Variants in ZNF487 observed in about 807,000 individuals in gnomAD.
The protein encoded by ZNF487 is KRAB domain only 1.
A neutral mutation model predicts 3.0 loss-of-function variants in ZNF487; 4 were observed. The observed-to-expected ratio is 1.35, with a 90% CI of 0.66 to 3.08. The LOEUF is 3.08. Ranked by LOEUF, ZNF487 falls within the 30% of genes most tolerant of loss-of-function variation. The pLI is 0.01. For missense variants in ZNF487, 146 were observed against 98.7 expected (o/e 1.48, Z -2.03); for synonymous variants, 55 against 34.6 (o/e 1.59, Z -2.06).
chr10:43,464,196 TG>T (rs1377051265), intron 1 of ZNF487, among the ~76,000 whole-genome samples: 7 of 150,556 alleles, frequency 4.6e-5, no homozygotes, highest in East Asian at 1.9e-4. Context: ...TTTTTTTTTT[TG>T]TTTTGAGACA....
At chr10:43,496,082 A>G in the ZNF487 span, 11 of 534,270 alleles carry the variant, frequency 2.1e-5, no homozygotes, top group African/African-American at 3.8e-5. Flanking sequence ...TCTGGGCCCT[A>G]TTGAGAGGAC....
At chr10:43,462,681 C>G (rs1698091624) in intron 1 of ZNF487, among the ~76,000 whole-genome samples, 1 of 151,748 alleles carries the variant, frequency 6.6e-6, no homozygotes, top group South Asian at 2.1e-4. Flanking sequence ...GTCACGATCT[C>G]TTGACCTCGT....
At chr10:43,465,407 C>T (rs1208333290) in intron 1 of ZNF487, among the ~76,000 whole-genome samples, 2,281 of 150,262 alleles carry the variant, frequency 0.015, 49 homozygotes, top group African/African-American at 0.048. Context: ...GGCTGCCGGG[C>T]GGAGGGGCTC....
the ZNF487 span, among the ~76,000 whole-genome samples, chr10:43,489,089 GAC>G: frequency 4.7e-3 from 718 of 152,300 alleles, 22 homozygotes; most frequent in Admixed American, 0.044. Context: ...AACAGAGACA[GAC>G]CCTGGCTCAA....
chr10:43,437,158 A>T lies in ZNF487; in HGVS notation c.-198A>T, dbSNP rs369390061. 4 of 281,254 alleles carry T rather than the reference A, an allele frequency of 1.4e-5. No individual in the cohort carries two copies. The Admixed American group carries it at 1.7e-4, about 12-fold the overall frequency. 17.4% of individuals were successfully genotyped at this position (281,254 alleles called of 1,614,324 possible). On this transcript the variant is annotated 5_prime_UTR_variant, in exon 1 of 4. An upstream open reading frame in the 5' UTR loses its in-frame stop. Transcript: ENST00000437590. The stretch of plus-strand genomic sequence containing the variant: ...ATGGTGAGATGGTCAACAAGCCTGT[A>T]AGTTCCTCAGCTACGACTACCAGGT...
At chr10:43,461,182 T>C (rs1840418958) in intron 1 of ZNF487, among the ~76,000 whole-genome samples, 1 of 152,018 alleles carries the variant, frequency 6.6e-6, no homozygotes, top group South Asian at 2.1e-4. Flanking sequence ...AATTTTTGTA[T>C]TTATAGTAGA....
chr10:43,480,886 TA>T (rs1841327072), intron 3 of ZNF487, among the ~76,000 whole-genome samples: 1 of 152,182 alleles, frequency 6.6e-6, no homozygotes, highest in African/African-American at 2.4e-5. Flanking sequence ...CTCTAATAAT[TA>T]CAGTATAATT....
At chr10:43,465,763 G>A (rs1166141276) in intron 1 of ZNF487, among the ~76,000 whole-genome samples, 2 of 152,136 alleles carry the variant, frequency 1.3e-5, no homozygotes, top group Non-Finnish European at 2.9e-5. Flanking sequence ...AGGCAGAGAC[G>A]CTCCTCACTT....
chr10:43,446,450 G>A (rs139160459), intron 1 of ZNF487, among the ~76,000 whole-genome samples: 7,153 of 149,748 alleles, frequency 0.048, 246 homozygotes, highest in South Asian at 0.12. Flanking sequence ...GGTCGCCGCC[G>A]GGCAGAGGCG....
chr10:43,518,443 A>G, the ZNF487 span, among the ~76,000 whole-genome samples: 1 of 152,186 alleles, frequency 6.6e-6, no homozygotes, highest in Non-Finnish European at 1.5e-5. Flanking sequence ...ACAGGTTCCC[A>G]GACTGTCTTC....
intron 1 of ZNF487, chr10:43,454,701 A>G (rs1403133349): frequency 6.6e-6 from 1 of 152,204 alleles, no homozygotes; most frequent in Admixed American, 6.5e-5. Context: ...GGTAGAGACT[A>G]GTCTGAAAAG....
intron 1 of ZNF487, among the ~76,000 whole-genome samples, chr10:43,444,191 C>A (rs868727513): frequency 3.9e-5 from 6 of 152,106 alleles, no homozygotes; most frequent in Admixed American, 3.9e-4. Context: ...TCTCCTTGTC[C>A]TTTGGCTAGA....
Position 43,444,945 on chromosome 10 carries a change from A to AC in ZNF487, c.-94+7689dup, listed in dbSNP as rs553718565. ...TCTTTGAATATTTTTTATGCCAACA[A>AC]CCCCCCATCCTCCTTCCAGTTATGT... is the stretch of plus-strand genomic sequence containing the variant. On this transcript the variant is annotated intron_variant, in intron 1 of 3. Transcript: ENST00000437590. Among the ~76,000 whole-genome samples, 278 of 151,200 alleles carry AC rather than the reference A, an allele frequency of 1.8e-3. 1 individual carries two copies. Among genetic ancestry groups the AC allele is most frequent in the African/African-American group, 6.4e-3 (262 of 41,154 alleles).
At chr10:43,463,895 G>A (rs1840538410) in intron 1 of ZNF487, among the ~76,000 whole-genome samples, 1 of 151,918 alleles carries the variant, frequency 6.6e-6, no homozygotes, top group South Asian at 2.1e-4. Context: ...AATGTTGCCT[G>A]TGTTCTGACT....
Position 43,454,330 on chromosome 10 carries a change from C to T in ZNF487, c.-94+17068C>T, listed in dbSNP as rs560962937. The T allele has an allele frequency of 7.9e-5, 12 of 152,324 alleles. No individual in the cohort carries two copies. In the East Asian group the frequency reaches 2.1e-3, roughly 27 times the overall value. The allele number at this position is 152,324 out of a possible 1,614,324, so 9.4% of individuals were successfully genotyped here. On this transcript the variant is annotated intron_variant, in intron 1 of 3. Coordinates refer to ENST00000437590, the MANE Select transcript of ZNF487 (RefSeq NM_001355444.3). ...CCTCCCAAAGTGGTAGGATTACAGGCGTGAGCCACTGCACCTGGCCCTCGA... is the reference window on the plus strand; with the variant it reads ...CCTCCCAAAGTGGTAGGATTACAGGTGTGAGCCACTGCACCTGGCCCTCGA...
At chr10:43,448,636 C>T (rs947921076) in intron 1 of ZNF487, among the ~76,000 whole-genome samples, 3 of 151,406 alleles carry the variant, frequency 2.0e-5, no homozygotes, top group Non-Finnish European at 2.9e-5. Context: ...GCCAAGATGG[C>T]GAAACCCTGT....
chr10:43,493,467 G>C, the ZNF487 span, among the ~76,000 whole-genome samples: 1 of 151,726 alleles, frequency 6.6e-6, no homozygotes, highest in African/African-American at 2.4e-5. Flanking sequence ...AGCCGAAGAG[G>C]GTGGATTGCC....
intron 1 of ZNF487, among the ~76,000 whole-genome samples, chr10:43,469,160 A>G (rs1179008808): frequency 2.0e-5 from 3 of 152,030 alleles, no homozygotes; most frequent in African/African-American, 7.2e-5. Context: ...AAAGATTATG[A>G]TTCACTATAG....
chr10:43,511,751 G>A, the ZNF487 span, among the ~76,000 whole-genome samples: 4 of 152,156 alleles, frequency 2.6e-5, no homozygotes, highest in Non-Finnish European at 4.4e-5. Flanking sequence ...GGTGGCTGAG[G>A]AAAGAGGCTG....
Sources: allele counts gnomAD v4.1 joint callset (sites outside exome capture counted in the v4.1 genomes callset), GRCh38; gene constraint gnomAD v4.1.1; transcripts MANE v1.5; gene names NCBI Gene and HGNC (gene_info 2026-07-23, HGNC 2026-07-21).